Variants in KIAA0825 observed in about 807,000 individuals in gnomAD.
The protein encoded by KIAA0825 is uncharacterized protein KIAA0825.
In KIAA0825, 119 loss-of-function variants were observed where a neutral mutation model predicts 147.6. The ratio of observed to expected loss-of-function variants is 0.81; its 90% CI spans 0.69 to 0.94. KIAA0825 has a LOEUF of 0.94. Among genes scored for constraint, KIAA0825 ranks in the 40% least tolerant of loss-of-function variants. KIAA0825 has a pLI of 0.00. For missense variants in KIAA0825, 1,381 were observed against 1,472.7 expected, an observed-to-expected ratio of 0.94 and a Z score of 1.02; for synonymous variants, 470 against 518.1, an observed-to-expected ratio of 0.91 and a Z score of 1.26.
chr5:94,364,445 G>A (rs964383886), intron 20 of KIAA0825, among the ~76,000 whole-genome samples: 3 of 151,632 alleles, frequency 2.0e-5, no homozygotes, highest in East Asian at 1.9e-4. Flanking sequence ...GCAGTGACAC[G>A]ATCTCGGCTC....
intron 20 of KIAA0825, among the ~76,000 whole-genome samples, chr5:94,305,915 T>C (rs1016650231): frequency 2.0e-5 from 3 of 151,924 alleles, no homozygotes; most frequent in African/African-American, 4.8e-5. Flanking sequence ...TAATAAGTGA[T>C]AGCGAACTTG....
chr5:94,446,860 G>A (rs1306259062), intron 13 of KIAA0825, among the ~76,000 whole-genome samples: 1 of 152,160 alleles, frequency 6.6e-6, no homozygotes. Context: ...CAGGAAAAAT[G>A]CTAGTGGTCA....
intron 3 of KIAA0825, among the ~76,000 whole-genome samples, chr5:94,535,303 A>T (rs1771736910): frequency 6.6e-6 from 1 of 151,930 alleles, no homozygotes; most frequent in African/African-American, 2.4e-5. Flanking sequence ...TGAGGTCAGG[A>T]GTTCGAGACT....
At chr5:94,465,267 A>C (rs1482552816) in intron 10 of KIAA0825, among the ~76,000 whole-genome samples, 3 of 152,224 alleles carry the variant, frequency 2.0e-5, no homozygotes, top group Non-Finnish European at 4.4e-5. Context: ...TTCTAGTGCA[A>C]ATCCAGATCA....
chr5:94,420,024 C>G (rs1584440519), intron 14 of KIAA0825, among the ~76,000 whole-genome samples: 1 of 151,892 alleles, frequency 6.6e-6, no homozygotes, highest in Non-Finnish European at 1.5e-5. Flanking sequence ...ATGTCTCAGC[C>G]AAGTCTTTAA....
intron 2 of KIAA0825, among the ~76,000 whole-genome samples, chr5:94,573,604 A>G (rs1780395670): frequency 6.6e-6 from 1 of 152,192 alleles, no homozygotes; most frequent in South Asian, 2.1e-4. Flanking sequence ...CTGCTGTTAG[A>G]GTCAACAGAT....
At chr5:94,203,165 C>T (rs995258759) in intron 20 of KIAA0825, among the ~76,000 whole-genome samples, 4 of 152,286 alleles carry the variant, frequency 2.6e-5, no homozygotes, top group Middle Eastern at 3.4e-3. Context: ...ATAAATGCTT[C>T]GGTTTACAGA....
At chr5:94,385,971 G>C (rs1749083915) in intron 19 of KIAA0825, among the ~76,000 whole-genome samples, 1 of 152,154 alleles carries the variant, frequency 6.6e-6, no homozygotes, top group South Asian at 2.1e-4. Context: ...AGCTTCTGTA[G>C]ACACAGCCTA....
chr5:94,192,338 G>C (rs923268423), intron 20 of KIAA0825, among the ~76,000 whole-genome samples: 11 of 152,144 alleles, frequency 7.2e-5, no homozygotes, highest in African/African-American at 2.7e-4. Flanking sequence ...ATAATTTACT[G>C]TAATTTCCCC....
At chr5:94,536,441 T>C (rs1043450404) in intron 3 of KIAA0825, among the ~76,000 whole-genome samples, 4 of 152,214 alleles carry the variant, frequency 2.6e-5, no homozygotes, top group Non-Finnish European at 5.9e-5. Context: ...CAACTACATA[T>C]GAAAACAGAG....
chr5:94,403,467 A>G (rs1751654514), intron 16 of KIAA0825, 102 bp downstream of exon 16: 2 of 787,418 alleles, frequency 2.5e-6, no homozygotes, highest in East Asian at 2.7e-5. Context: ...GAAGATTAAT[A>G]TAGTTCATCA....
At chr5:94,299,908 C>A (rs1778310251) in intron 20 of KIAA0825, among the ~76,000 whole-genome samples, 1 of 144,436 alleles carries the variant, frequency 6.9e-6, no homozygotes, top group South Asian at 2.2e-4. Flanking sequence ...ATAAAAACAT[C>A]TTTCTTAGAT....
intron 7 of KIAA0825, among the ~76,000 whole-genome samples, chr5:94,474,946 G>A (rs140501728): frequency 6.2e-3 from 941 of 152,152 alleles, no homozygotes; most frequent in Non-Finnish European, 0.01. Flanking sequence ...AAAATTAGCC[G>A]GGCGTGGTGG....
intron 2 of KIAA0825, chr5:94,568,329 A>C (rs1476846400): frequency 6.4e-6 from 1 of 156,426 alleles, no homozygotes; most frequent in African/African-American, 2.4e-5. Context: ...AAAACCGCAA[A>C]TATATCATAC....
intron 18 of KIAA0825, among the ~76,000 whole-genome samples, chr5:94,387,140 T>C (rs1050404548): frequency 1.3e-5 from 2 of 152,202 alleles, no homozygotes; most frequent in Non-Finnish European, 2.9e-5. Context: ...ATGCTTACTA[T>C]TAATAAATAA....
intron 20 of KIAA0825, among the ~76,000 whole-genome samples, chr5:94,242,694 C>G (rs535943490): frequency 2.0e-5 from 3 of 151,800 alleles, no homozygotes; most frequent in Non-Finnish European, 4.4e-5. Context: ...GCTGCCATCT[C>G]GGCTCACTGC....
chr5:94,177,219 A>G (rs752642503), intron 20 of KIAA0825, among the ~76,000 whole-genome samples: 8 of 152,148 alleles, frequency 5.3e-5, no homozygotes, highest in Non-Finnish European at 1.2e-4. Flanking sequence ...ATGTTAACCT[A>G]ATTATAAAAT....
At chr5:94,593,047 G>T in intron 1 of KIAA0825, 1 of 685,136 alleles carries the variant, frequency 1.5e-6, no homozygotes, top group South Asian at 1.5e-5. Flanking sequence ...GTATGTCAGA[G>T]ACCATTCTCA....
intron 20 of KIAA0825, among the ~76,000 whole-genome samples, chr5:94,244,089 T>C (rs1775486138): frequency 6.6e-6 from 1 of 152,198 alleles, no homozygotes; most frequent in Admixed American, 6.6e-5. Flanking sequence ...GCCAGGCTTC[T>C]GGGCTTGATT....
Sources: allele counts gnomAD v4.1 joint callset (sites outside exome capture counted in the v4.1 genomes callset), GRCh38; gene constraint gnomAD v4.1.1; transcripts MANE v1.5; gene names NCBI Gene and HGNC (gene_info 2026-07-23, HGNC 2026-07-21).